TASP1: variants seen among roughly 807,000 people sequenced by gnomAD.
The protein encoded by TASP1 is threonine aspartase 1.
Under a neutral mutation model 56.6 loss-of-function variants are expected in TASP1, and 16 were observed. The observed-to-expected ratio is 0.28, with a 90% CI of 0.19 to 0.43. The LOEUF is 0.43. Among genes scored for constraint, TASP1 ranks in the 20% least tolerant of loss-of-function variants. The probability of loss-of-function intolerance (pLI) is 1.00; values close to 1 mark genes in which losing one functional copy is unlikely to be tolerated. For synonymous variants in TASP1, 179 were observed against 184.2 expected (o/e 0.97, Z 0.23); for missense variants, 393 against 511.6 (o/e 0.77, Z 2.24).
chr20:13,492,526 T>A (rs2043571584), intron 10 of TASP1, among the ~76,000 whole-genome samples: 1 of 152,206 alleles, frequency 6.6e-6, no homozygotes, highest in South Asian at 2.1e-4. Context: ...ACACATGATT[T>A]CAGTCTTCAC....
chr20:13,180,481 C>T, the TASP1 span, among the ~76,000 whole-genome samples: 1 of 152,148 alleles, frequency 6.6e-6, no homozygotes, highest in Non-Finnish European at 1.5e-5. Flanking sequence ...AAAATACTGC[C>T]CAGCTTCTGC....
At chr20:13,332,436 T>TA in the TASP1 span, among the ~76,000 whole-genome samples, 1 of 152,222 alleles carries the variant, frequency 6.6e-6, no homozygotes, top group Non-Finnish European at 1.5e-5. Context: ...AGCATGAATT[T>TA]TATCATTCAT....
At chr20:13,537,492 TCA>T (rs1199992139) in intron 8 of TASP1, among the ~76,000 whole-genome samples, 1 of 152,132 alleles carries the variant, frequency 6.6e-6, no homozygotes, top group Admixed American at 6.5e-5. Flanking sequence ...CATAATAATT[TCA>T]CAGAGCTCGT....
the TASP1 span, among the ~76,000 whole-genome samples, chr20:13,133,629 G>A: frequency 6.6e-6 from 1 of 152,134 alleles, no homozygotes; most frequent in African/African-American, 2.4e-5. Context: ...AGCTACTCTG[G>A]AGACTGAGGC....
the TASP1 span, among the ~76,000 whole-genome samples, chr20:13,248,352 T>C: frequency 6.6e-6 from 1 of 152,188 alleles, no homozygotes; most frequent in Non-Finnish European, 1.5e-5. Flanking sequence ...GGAAGAACCA[T>C]GTCACTGGAA....
chr20:13,458,761 T>C (rs1367597818), intron 11 of TASP1, among the ~76,000 whole-genome samples: 1 of 152,198 alleles, frequency 6.6e-6, no homozygotes, highest in African/African-American at 2.4e-5. Context: ...TGCATGTTCA[T>C]GTTAGTTAAC....
At chr20:13,498,543 G>C (rs923462747) in intron 10 of TASP1, among the ~76,000 whole-genome samples, 1 of 151,946 alleles carries the variant, frequency 6.6e-6, no homozygotes, top group Non-Finnish European at 1.5e-5. Context: ...ATTTTTAGTA[G>C]ACATAGGGTT....
the TASP1 span, among the ~76,000 whole-genome samples, chr20:13,127,213 C>A: frequency 1.3e-5 from 2 of 152,180 alleles, no homozygotes; most frequent in African/African-American, 4.8e-5. Context: ...GTCAGTGGGA[C>A]CAGAGCTAAA....
intron 5 of TASP1, 24 bp downstream of exon 5, chr20:13,587,226 T>C (rs781399030): frequency 1.6e-5 from 26 of 1,592,400 alleles, no homozygotes; most frequent in African/African-American, 5.4e-5. Context: ...TTTCCAAAGA[T>C]AGTAGGTCAT....
the TASP1 span, among the ~76,000 whole-genome samples, chr20:13,256,950 G>A: frequency 6.6e-6 from 1 of 152,288 alleles, no homozygotes; most frequent in South Asian, 2.1e-4. Context: ...GGGAAGATAG[G>A]AGCTGGGCCT....
In TASP1 at chr20:13,492,689, A is replaced by C. The variant is rs575131134; in HGVS notation, c.875-9352T>G. Among the ~76,000 whole-genome samples the C allele has an allele frequency of 6.5e-4, 99 of 152,332 alleles. No individual in the cohort carries two copies. The South Asian group carries it at 0.019, about 29-fold the overall frequency. ...GACACATATTTAGCGTTTCCCAAAT[A>C]TTCAGAGTTCTCTGTAATCCACAAC... On this transcript the variant is annotated intron_variant, in intron 10 of 13. Coordinates refer to ENST00000337743, the MANE Select transcript of TASP1 (RefSeq NM_017714.3).
intron 13 of TASP1, among the ~76,000 whole-genome samples, chr20:13,400,274 A>G (rs569769935): frequency 1.2e-4 from 18 of 152,216 alleles, no homozygotes; most frequent in Non-Finnish European, 2.5e-4. Flanking sequence ...GTGTTTTATC[A>G]AACTTTTACT....
chr20:13,593,652 G>T (rs1230250807), intron 4 of TASP1, among the ~76,000 whole-genome samples: 1 of 152,106 alleles, frequency 6.6e-6, no homozygotes, highest in Non-Finnish European at 1.5e-5. Flanking sequence ...TGCGGGAAGG[G>T]GCGTCCACCA....
the TASP1 span, among the ~76,000 whole-genome samples, chr20:13,293,223 A>G: frequency 1.3e-5 from 2 of 152,026 alleles, no homozygotes; most frequent in Non-Finnish European, 2.9e-5. Flanking sequence ...AAAAAAAAAA[A>G]AAGAATTCTT....
At chr20:13,105,063 A>G in the TASP1 span, among the ~76,000 whole-genome samples, 5 of 152,206 alleles carry the variant, frequency 3.3e-5, no homozygotes, top group Non-Finnish European at 7.4e-5. Flanking sequence ...GTAGAATCCC[A>G]TAAGGCCTAC....
chr20:13,630,259 TTTAA>T, intron 1 of TASP1, 107 bp from the exon 2 acceptor site: 2 of 588,252 alleles, frequency 3.4e-6, no homozygotes, highest in East Asian at 3.4e-5. Context: ...TTTTAAGTTA[TTTAA>T]TTGAGCAATA....
chr20:13,176,998 G>GT, the TASP1 span, among the ~76,000 whole-genome samples: 3,530 of 152,248 alleles, frequency 0.023, 61 homozygotes, highest in South Asian at 0.03. Context: ...CCAGCACTTT[G>GT]GGAGGCTGAG....
chr20:13,369,670 T>C, the TASP1 span, among the ~76,000 whole-genome samples: 4 of 152,158 alleles, frequency 2.6e-5, no homozygotes, highest in Non-Finnish European at 4.4e-5. Flanking sequence ...TGGCTGAGAA[T>C]AAATAATGGA....
the TASP1 span, chr20:13,126,537 C>G: frequency 1.3e-6 from 2 of 1,599,022 alleles, no homozygotes; most frequent in African/African-American, 2.7e-5. Context: ...TAATTCCCAC[C>G]ACCAGTGTTG....
Sources: allele counts gnomAD v4.1 joint callset (sites outside exome capture counted in the v4.1 genomes callset), GRCh38; gene constraint gnomAD v4.1.1; transcripts MANE v1.5; gene names NCBI Gene and HGNC (gene_info 2026-07-23, HGNC 2026-07-21).